The following LEKR1 variants were observed in gnomAD, a reference collection of about 807,000 sequenced individuals.
LEKR1 encodes protein LEKR1.
LEKR1 carries 59 observed loss-of-function variants against 72.4 expected under a neutral mutation model. The ratio of observed to expected loss-of-function variants is 0.82; its 90% CI spans 0.66 to 1.01. The LOEUF is 1.01. Among genes scored for constraint, LEKR1 ranks in the 50% least tolerant of loss-of-function variants. The pLI is 0.00. For synonymous variants in LEKR1, 257 were observed against 263.2 expected, an observed-to-expected ratio of 0.98 and a Z score of 0.23; for missense variants, 728 against 759.2, an observed-to-expected ratio of 0.96 and a Z score of 0.48.
At chr3:156,954,555 C>T (rs1027899989) in intron 6 of LEKR1, among the ~76,000 whole-genome samples, 3 of 151,960 alleles carry the variant, frequency 2.0e-5, no homozygotes, top group African/African-American at 7.3e-5. Context: ...GAAAGGGGTC[C>T]AGTTTCAGTT....
chr3:156,939,420 CT>C (rs1252768501), intron 5 of LEKR1, among the ~76,000 whole-genome samples: 1 of 152,176 alleles, frequency 6.6e-6, no homozygotes, highest in East Asian at 1.9e-4. Flanking sequence ...AAATAAATTT[CT>C]GTTGTTTAAG....
At chr3:157,010,070 C>T (rs1382411030) in intron 9 of LEKR1, among the ~76,000 whole-genome samples, 1 of 152,006 alleles carries the variant, frequency 6.6e-6, no homozygotes, top group African/African-American at 2.4e-5. Context: ...TATCATCCCT[C>T]TTATTTCTGA....
rs1445153886 is a variant in LEKR1, at chr3:156,966,163, C to T, written c.746-13031C>T. 4.0e-5 allele frequency among the ~76,000 whole-genome samples: 6 copies of T among 151,872 alleles called. No homozygotes were observed. In the South Asian group the frequency reaches 1.0e-3, roughly 26 times the overall value. On this transcript the variant is annotated intron_variant, in intron 6 of 12. Coordinates refer to ENST00000356539, the MANE Select transcript of LEKR1 (RefSeq NM_001004316.3). ...GTGATGGGGGTGGAGCCAAGATGGC[C>T]GAATAGGAACAGCTCCAGTCCACAG... is the stretch of plus-strand genomic sequence containing the variant.
rs369001496 is a variant in LEKR1 at position 156,929,027 on chromosome 3, C to T, written c.559+1423C>T. 3.3e-5 allele frequency among the ~76,000 whole-genome samples: 5 copies of T among 151,836 alleles called. No individual in the cohort carries two copies. In the South Asian group the frequency reaches 1.0e-3, roughly 32 times the overall value. On this transcript the variant is annotated intron_variant, in intron 5 of 12. Transcript: ENST00000356539. ...CTAACCAGGATTTCAAATTAGCTAT[C>T]ATAACAATGCTCAAGGATATAAAGG... is the stretch of plus-strand genomic sequence containing the variant.
chr3:156,977,575 G>T (rs938289387), intron 6 of LEKR1: 7 of 328,016 alleles, frequency 2.1e-5, no homozygotes, highest in African/African-American at 1.3e-4. Context: ...AGGATACACA[G>T]ATGTGATTAT....
intron 10 of LEKR1, 63 bp from the exon 11 acceptor site, chr3:157,024,697 A>G: frequency 8.6e-7 from 1 of 1,158,208 alleles, no homozygotes. Context: ...GTTTGAAAAT[A>G]AGCTTAATGT....
chr3:156,871,598 C>T (rs975060969), intron 3 of LEKR1, among the ~76,000 whole-genome samples: 3 of 152,124 alleles, frequency 2.0e-5, no homozygotes, highest in African/African-American at 7.2e-5. Context: ...TCCTATTTCT[C>T]CACATCCTCT....
chr3:157,033,720 C>T (rs986179587), intron 12 of LEKR1, among the ~76,000 whole-genome samples: 1 of 152,170 alleles, frequency 6.6e-6, no homozygotes, highest in Non-Finnish European at 1.5e-5. Flanking sequence ...CATTAAACAA[C>T]AGGTTTTCAT....
Position 156,993,552 on chromosome 3 carries a change from A to G in LEKR1, c.1109+275A>G, listed in dbSNP as rs373961848. ...GTGTCAAATTCTTCTTGAAAAAAAA[A>G]AAAATCAGACCACGTGTGATACTTG... On this transcript the variant is annotated intron_variant, in intron 9 of 12. Coordinates refer to ENST00000356539, the MANE Select transcript of LEKR1 (RefSeq NM_001004316.3). 1.7e-4 allele frequency among the ~76,000 whole-genome samples: 26 copies of G among 151,760 alleles called. No homozygotes were observed. In the South Asian group the frequency reaches 3.9e-3, roughly 23 times the overall value.
At chr3:156,865,576 AC>A (rs1247109190) in intron 3 of LEKR1, among the ~76,000 whole-genome samples, 5 of 145,566 alleles carry the variant, frequency 3.4e-5, no homozygotes, top group Non-Finnish European at 7.5e-5. Context: ...CTTTGTTTGC[AC>A]ATCTACAGTC....
intron 3 of LEKR1, among the ~76,000 whole-genome samples, chr3:156,871,099 C>G (rs1717878985): frequency 6.6e-6 from 1 of 152,020 alleles, no homozygotes; most frequent in Non-Finnish European, 1.5e-5. Context: ...AATGCTATCT[C>G]TCCCCCCTCC....
chr3:156,888,490 A>G (rs1720332722), intron 3 of LEKR1: 1 of 656,422 alleles, frequency 1.5e-6, no homozygotes. Context: ...TTATTATGAT[A>G]CTAAGCCAGA....
At chr3:156,872,681 C>T (rs1212411458) in intron 3 of LEKR1, among the ~76,000 whole-genome samples, 1 of 151,910 alleles carries the variant, frequency 6.6e-6, no homozygotes, top group African/African-American at 2.4e-5. Context: ...TTTATTTCCT[C>T]CTTAATTTTT....
chr3:156,899,499 TATACATGTATATATACATAC>T (rs1322208745), intron 3 of LEKR1, among the ~76,000 whole-genome samples: 2,041 of 123,044 alleles, frequency 0.017, 42 homozygotes, highest in African/African-American at 0.046. Flanking sequence ...TATACACATA[TATACATGTATATATACATAC>T]ATACATATAT....
At chr3:157,022,820 T>C (rs373468742) in intron 10 of LEKR1, among the ~76,000 whole-genome samples, 3 of 152,188 alleles carry the variant, frequency 2.0e-5, no homozygotes, top group East Asian at 3.8e-4. Flanking sequence ...AATAATTCTG[T>C]AATTCTGTAA....
chr3:156,941,909 G>T (rs1463586719), intron 5 of LEKR1, among the ~76,000 whole-genome samples: 1 of 151,922 alleles, frequency 6.6e-6, no homozygotes, highest in African/African-American at 2.4e-5. Flanking sequence ...GAGCTATAAA[G>T]ATTTTTATTA....
intron 9 of LEKR1, among the ~76,000 whole-genome samples, chr3:156,994,278 G>A (rs895721402): frequency 2.6e-5 from 4 of 152,054 alleles, no homozygotes; most frequent in Non-Finnish European, 5.9e-5. Context: ...AGTTATCTTA[G>A]AATTAGATTT....
intron 3 of LEKR1, among the ~76,000 whole-genome samples, chr3:156,910,171 C>T (rs969745860): frequency 6.6e-6 from 1 of 152,124 alleles, no homozygotes; most frequent in South Asian, 2.1e-4. Flanking sequence ...TCAGGGGGTA[C>T]GTGTGCAGGC....
At chr3:156,898,218 G>A (rs761433228) in intron 3 of LEKR1, among the ~76,000 whole-genome samples, 9 of 151,994 alleles carry the variant, frequency 5.9e-5, no homozygotes, top group Non-Finnish European at 1.0e-4. Context: ...CATGTTTTGG[G>A]GTAAAATATT....
Sources: gnomAD v4.1 joint callset for allele counts (sites outside exome capture counted in the v4.1 genomes callset) on GRCh38, gnomAD v4.1.1 for gene constraint, MANE v1.5 for transcripts, NCBI Gene and HGNC (gene_info 2026-07-23, HGNC 2026-07-21) for gene names.